TRIM61: variants seen among roughly 807,000 people sequenced by gnomAD.
The protein encoded by TRIM61 is putative tripartite motif-containing protein 61.
In TRIM61, 1 loss-of-function variant was observed where a neutral mutation model predicts 14.2. That is an observed-to-expected ratio of 0.07 (90% CI 0.03 to 0.33). The LOEUF (loss-of-function observed/expected upper bound fraction) is 0.33, where lower values mean the gene tolerates loss of function less well. TRIM61 is among the 10% of genes least tolerant of loss of function. The pLI, the probability that TRIM61 is intolerant of heterozygous loss-of-function variation, is 0.99. For synonymous variants in TRIM61, 8 were observed against 71.6 expected (o/e 0.11, Z 4.49); for missense variants, 19 against 202.2 (o/e 0.09, Z 5.49).
Position 164,955,098 on chromosome 4 carries a change from TCAA to T in TRIM61, c.526-5_526-3del. On this transcript the variant is annotated splice_polypyrimidine_tract_variant and splice_region_variant and intron_variant, in intron 3 of 4. Transcript: ENST00000329314. ...CCTGGTGACAGAAGGAGACTCCATC[TCAA>T]AAAAAAAAAAAAAAAAAATTATTAT... The T allele has an allele frequency of 2.2e-5, 2 of 89,212 alleles. No homozygotes were observed. The highest frequency in any genetic ancestry group is 4.4e-5 in the Non-Finnish European group (2 of 45,296). 5.5% of individuals were successfully genotyped at this position (89,212 alleles called of 1,614,324 possible). A position where few individuals can be genotyped will look rare whatever the true frequency, so the allele number is the denominator to read the frequency against.
intron 3 of TRIM61, chr4:164,956,908 CG>C: frequency 9.5e-7 from 1 of 1,049,962 alleles, no homozygotes; most frequent in East Asian, 2.6e-5. Flanking sequence ...GAAGTCGGAG[CG>C]GCAGAGCAGT....
intron 3 of TRIM61, among the ~76,000 whole-genome samples, chr4:164,960,344 A>C (rs1401742716): frequency 1.3e-5 from 2 of 151,962 alleles, no homozygotes; most frequent in Non-Finnish European, 2.9e-5. Flanking sequence ...GGAGTTCAAG[A>C]CCAGCCTTGC....
intron 3 of TRIM61, among the ~76,000 whole-genome samples, chr4:164,963,633 AT>A (rs879562372): frequency 2.0e-5 from 3 of 151,802 alleles, no homozygotes; most frequent in Non-Finnish European, 2.9e-5. Context: ...AATCCCAGCT[AT>A]TTGGGAGGCT....
chr4:164,962,141 A>G (rs138401860), intron 3 of TRIM61, among the ~76,000 whole-genome samples: 2,908 of 152,158 alleles, frequency 0.019, 76 homozygotes, highest in African/African-American at 0.061. Context: ...GGAGGATAAG[A>G]AGGAGGATAA....
chr4:164,957,621 C>A, intron 3 of TRIM61: 1 of 1,072,336 alleles, frequency 9.3e-7, no homozygotes, highest in Non-Finnish European at 1.3e-6. Flanking sequence ...ATGAATGCTA[C>A]CGAAGATAGT....
chr4:164,968,905 G>A (rs763983977), intron 3 of TRIM61: 421 of 990,826 alleles, frequency 4.2e-4, no homozygotes, highest in Admixed American at 1.8e-3. Flanking sequence ...AGTCATTACA[G>A]ACACCAAGAA....
chr4:164,955,130 A>G (rs773431567), intron 3 of TRIM61: 4 of 197,042 alleles, frequency 2.0e-5, no homozygotes, highest in African/African-American at 9.6e-5. Flanking sequence ...TTATTATGGT[A>G]TTATAGTAGT....
chr4:164,968,633 G>C, intron 3 of TRIM61: 2 of 985,600 alleles, frequency 2.0e-6, no homozygotes, highest in Non-Finnish European at 2.4e-6. Flanking sequence ...TTTTGAGTCA[G>C]TTCCAGTATA....
At chr4:164,971,228 G>A (rs571320379) in intron 2 of TRIM61, among the ~76,000 whole-genome samples, 5 of 152,274 alleles carry the variant, frequency 3.3e-5, no homozygotes, top group Admixed American at 6.5e-5. Flanking sequence ...TGCCCTTGTT[G>A]TTAGGAGATA....
At chr4:164,972,472 C>T (rs1310092416) in intron 2 of TRIM61, among the ~76,000 whole-genome samples, 1 of 150,104 alleles carries the variant, frequency 6.7e-6, no homozygotes, top group Non-Finnish European at 1.5e-5. Flanking sequence ...CCTAGACTAC[C>T]CCAAATTCAA....
chr4:164,961,846 G>C (rs1414602962), intron 3 of TRIM61, among the ~76,000 whole-genome samples: 1 of 152,218 alleles, frequency 6.6e-6, no homozygotes, highest in Non-Finnish European at 1.5e-5. Context: ...AATATGGTCT[G>C]AGAAGTACAT....
At position 164,954,476 on chromosome 4, in the gene TRIM61, C is replaced by CATCA. The variant is rs1223327995; in HGVS notation, c.*305_*308dup. The CATCA allele has an allele frequency of 1.3e-5, 2 of 152,154 alleles. No homozygotes were observed. The highest frequency in any genetic ancestry group is 2.9e-5 in the Non-Finnish European group (2 of 68,038). The allele number at this position is 152,154 out of a possible 1,614,324, so 9.4% of individuals were successfully genotyped here. ...GAGTTTGTGCATTTTATTTTTTAAC[C>CATCA]ATCAGTTTTGTATTATTAGAAAGAT... On this transcript the variant is annotated 3_prime_UTR_variant, in exon 5 of 5. Coordinates refer to ENST00000329314, the MANE Select transcript of TRIM61 (RefSeq NM_001012414.3).
intron 3 of TRIM61, among the ~76,000 whole-genome samples, chr4:164,961,908 C>A (rs1310364695): frequency 6.6e-6 from 1 of 152,136 alleles, no homozygotes; most frequent in African/African-American, 2.4e-5. Flanking sequence ...CTTACATGAA[C>A]CTAGATTGCA....
chr4:164,963,850 A>G (rs1279239723), intron 3 of TRIM61, among the ~76,000 whole-genome samples: 1 of 152,162 alleles, frequency 6.6e-6, no homozygotes, highest in Non-Finnish European at 1.5e-5. Context: ...AAATGTGAAA[A>G]CTAGTACACT....
intron 2 of TRIM61, among the ~76,000 whole-genome samples, chr4:164,975,262 A>C (rs2111154818): frequency 6.6e-6 from 1 of 152,144 alleles, no homozygotes; most frequent in Non-Finnish European, 1.5e-5. Flanking sequence ...GCCCAATGTC[A>C]CATAGTTAGT....
At chr4:164,965,952 A>C (rs1732230681) in intron 3 of TRIM61, among the ~76,000 whole-genome samples, 1 of 152,174 alleles carries the variant, frequency 6.6e-6, no homozygotes, top group Admixed American at 6.5e-5. Context: ...GGATGTGCTC[A>C]AATTAAACAA....
chr4:164,956,021 G>T (rs1731980383), intron 3 of TRIM61, among the ~76,000 whole-genome samples: 2 of 152,204 alleles, frequency 1.3e-5, no homozygotes, highest in South Asian at 4.1e-4. Context: ...CTGGAACGAG[G>T]CATTGATAAC....
Position 164,954,987 on chromosome 4 carries a change from G to T in TRIM61, c.*5C>A. 3.3e-6 allele frequency: 1 copy of T among 305,938 alleles called. No homozygotes were observed. The highest frequency in any genetic ancestry group is 3.9e-5 in the Admixed American group (1 of 25,758). The allele number at this position is 305,938 out of a possible 1,614,324, so 19.0% of individuals were successfully genotyped here. A position where few individuals can be genotyped will look rare whatever the true frequency, so the allele number is the denominator to read the frequency against. On this transcript the variant is annotated 3_prime_UTR_variant, in exon 4 of 5. Transcript: ENST00000329314. ...ATGGTGGAGGGCACCTGTAGTCCCAGCTACTCAGGAGCCAGAGGCAGAAGA... is the reference window on the plus strand; with the variant it reads ...ATGGTGGAGGGCACCTGTAGTCCCATCTACTCAGGAGCCAGAGGCAGAAGA...
At chr4:164,967,723 G>C (rs1353437051) in intron 3 of TRIM61, among the ~76,000 whole-genome samples, 1 of 152,100 alleles carries the variant, frequency 6.6e-6, no homozygotes, top group Non-Finnish European at 1.5e-5. Flanking sequence ...AGTGGCACTG[G>C]GCATGGTGGT....
Sources: allele counts gnomAD v4.1 joint callset (sites outside exome capture counted in the v4.1 genomes callset), GRCh38; gene constraint gnomAD v4.1.1; transcripts MANE v1.5; gene names NCBI Gene and HGNC (gene_info 2026-07-23, HGNC 2026-07-21).